The following ARHGAP25 variants were observed in gnomAD, a reference collection of about 807,000 sequenced individuals.
ARHGAP25 encodes the protein rho GTPase-activating protein 25.
ARHGAP25 carries 34 observed loss-of-function variants against 71.0 expected under a neutral mutation model. That is an observed-to-expected ratio of 0.48 (90% confidence interval 0.36 to 0.64). ARHGAP25 has a LOEUF of 0.64. ARHGAP25 is among the 30% of genes least tolerant of loss of function. The pLI is 0.00. For missense variants in ARHGAP25, 706 were observed against 805.1 expected, an observed-to-expected ratio of 0.88 and a Z score of 1.49; for synonymous variants, 282 against 296.5, an observed-to-expected ratio of 0.95 and a Z score of 0.50.
intron 5 of ARHGAP25, 68 bp downstream of exon 5, chr2:68,807,548 T>C: frequency 6.8e-7 from 1 of 1,477,076 alleles, no homozygotes; most frequent in Middle Eastern, 2.2e-4. Flanking sequence ...GGAGGGCCTC[T>C]CCATTCCAGT....
At chr2:68,712,548 A>T (rs1674511138) in intron 2 of ARHGAP25, among the ~76,000 whole-genome samples, 1 of 152,106 alleles carries the variant, frequency 6.6e-6, no homozygotes, top group Admixed American at 6.5e-5. Flanking sequence ...TTTTGTTGCC[A>T]TTGCTTTTGG....
intron 4 of ARHGAP25, among the ~76,000 whole-genome samples, chr2:68,792,903 G>A (rs1476125306): frequency 1.3e-5 from 2 of 152,104 alleles, no homozygotes; most frequent in Non-Finnish European, 2.9e-5. Flanking sequence ...CAGTGTATGT[G>A]TTTTCTTTTC....
rs961859438 is a variant in ARHGAP25 at position 68,767,545 on chromosome 2, C to T, written c.62-7676C>T. Reference sequence around the variant, plus strand: ...CTGTTTCAGAGAGCTCCCCAGTCGGCTCCTTCCTCAGCTGTGGTGTGGGCC... The same window carrying T: ...CTGTTTCAGAGAGCTCCCCAGTCGGTTCCTTCCTCAGCTGTGGTGTGGGCC... On this transcript the variant is annotated intron_variant, in intron 1 of 10. Coordinates refer to ENST00000409202, the MANE Select transcript of ARHGAP25 (RefSeq NM_001007231.3). This position sits in a 1 kb window ranked among gnomAD's most constrained non-coding sequence, Gnocchi z 4.6. Among the ~76,000 whole-genome samples, 9 of 152,154 alleles carry T rather than the reference C, an allele frequency of 5.9e-5. No individual in the cohort carries two copies. Among genetic ancestry groups the T allele is most frequent in the African/African-American group, 2.2e-4 (9 of 41,424 alleles).
At chr2:68,737,026 G>T (rs1005236780) in intron 1 of ARHGAP25, among the ~76,000 whole-genome samples, 27 of 152,138 alleles carry the variant, frequency 1.8e-4, no homozygotes, top group African/African-American at 5.8e-4. Flanking sequence ...AAAACAAGCA[G>T]ATGATGTTAT....
At chr2:68,725,297 C>T (rs2104261790) in intron 2 of ARHGAP25, among the ~76,000 whole-genome samples, 1 of 152,196 alleles carries the variant, frequency 6.6e-6, no homozygotes, top group South Asian at 2.1e-4. Flanking sequence ...AATGCGAGGC[C>T]ACAGCGATCT....
chr2:68,786,188 C>G (rs1678749882), intron 3 of ARHGAP25, among the ~76,000 whole-genome samples: 1 of 152,082 alleles, frequency 6.6e-6, no homozygotes, highest in Non-Finnish European at 1.5e-5. Context: ...TGCGTGTTTC[C>G]CAGTGGGGTT....
chr2:68,753,691 G>A (rs1031824404), intron 1 of ARHGAP25, among the ~76,000 whole-genome samples: 12 of 152,198 alleles, frequency 7.9e-5, no homozygotes, highest in African/African-American at 2.9e-4. Context: ...TCTTTCCCAC[G>A]TTCTCATGTT....
chr2:68,815,232 A>G (rs1681111638), intron 6 of ARHGAP25, among the ~76,000 whole-genome samples: 1 of 152,178 alleles, frequency 6.6e-6, no homozygotes, highest in African/African-American at 2.4e-5. Context: ...GGTGGCAGCT[A>G]GGAGGGGTGA....
At position 68,782,311 on chromosome 2, in the gene ARHGAP25, A is replaced by G. The variant is rs745604384; in HGVS notation, c.340A>G (p.Ile114Val). ...AGAAGCTGGGAAGTTTGTCTTTGAAATCATTCCAGGTAGGCCACCACAGGT... is the reference window on the plus strand; with the variant it reads ...AGAAGCTGGGAAGTTTGTCTTTGAAGTCATTCCAGGTAGGCCACCACAGGT... The part of the protein sequence containing the change: ...PEEAGKFVFE[I>V]IPASWDQNRM... The change falls in exon 3 of 11, where the codon ATC becomes GTC. Residue 114 changes from isoleucine (I) to valine (V), a missense_variant. Coordinates refer to ENST00000409202, the MANE Select transcript of ARHGAP25 (RefSeq NM_001007231.3). 28 of 1,614,010 alleles carry G rather than the reference A, an allele frequency of 1.7e-5. No homozygotes were observed. The highest frequency in any genetic ancestry group is 2.0e-5 in the Non-Finnish European group (24 of 1,179,992).
At chr2:68,757,494 G>T (rs1217155244) in intron 1 of ARHGAP25, 1 of 152,060 alleles carries the variant, frequency 6.6e-6, no homozygotes, top group Non-Finnish European at 1.5e-5. Context: ...CAGAAGTAGT[G>T]GTCTGATATA....
intron 4 of ARHGAP25, among the ~76,000 whole-genome samples, chr2:68,797,814 GCTCTCCTA>G (rs1679674523): frequency 6.6e-6 from 1 of 152,236 alleles, no homozygotes. Flanking sequence ...GAGTCAAGGT[GCTCTCCTA>G]CGGCCTGGAT....
intron 9 of ARHGAP25, among the ~76,000 whole-genome samples, chr2:68,820,940 T>G (rs1448904452): frequency 6.6e-6 from 1 of 152,154 alleles, no homozygotes; most frequent in Non-Finnish European, 1.5e-5. Context: ...ATTTTTGTAC[T>G]TAGCAGTATA....
At position 68,794,557 on chromosome 2, in the gene ARHGAP25, T is replaced by C. The variant is rs554196534; in HGVS notation, c.466+6601T>C. Reference sequence around the variant, plus strand: ...GGCTTTTGCCTTAATTCTGTTTGTGTGATGTATCACATTTATTGATTTGTG... The same window carrying C: ...GGCTTTTGCCTTAATTCTGTTTGTGCGATGTATCACATTTATTGATTTGTG... On this transcript the variant is annotated intron_variant, in intron 4 of 10. Transcript: ENST00000409202. Among the ~76,000 whole-genome samples the C allele has an allele frequency of 4.6e-5, 7 of 152,334 alleles. No homozygotes were observed. The East Asian group carries it at 1.3e-3, about 29-fold the overall frequency.
Position 68,817,867 on chromosome 2 carries a change from C to T in ARHGAP25, c.882-6C>T. ...TTCTACCATGGGATTTCTTGGCTGT[C>T]TGTAGGTTCCTACATGAAATACAGC... is the stretch of plus-strand genomic sequence containing the variant. On this transcript the variant is annotated splice_region_variant and splice_polypyrimidine_tract_variant and intron_variant, in intron 7 of 10. Transcript: ENST00000409202. 1 of 1,613,750 alleles carries T rather than the reference C, an allele frequency of 6.2e-7. No individual in the cohort carries two copies. The highest frequency in any genetic ancestry group is 8.5e-7 in the Non-Finnish European group (1 of 1,179,768).
At chr2:68,714,849 C>A (rs1674573271) in intron 2 of ARHGAP25, among the ~76,000 whole-genome samples, 1 of 152,064 alleles carries the variant, frequency 6.6e-6, no homozygotes, top group East Asian at 1.9e-4. Context: ...AAAAAATGTG[C>A]ACTAAAAAGT....
intron 1 of ARHGAP25, among the ~76,000 whole-genome samples, chr2:68,755,733 T>C (rs1676443593): frequency 6.6e-6 from 1 of 152,200 alleles, no homozygotes; most frequent in African/African-American, 2.4e-5. Flanking sequence ...GTTGATACAA[T>C]AAGAAAATGC....
intron 2 of ARHGAP25, among the ~76,000 whole-genome samples, chr2:68,723,358 C>G (rs1106238): frequency 6.6e-6 from 1 of 152,174 alleles, no homozygotes; most frequent in Non-Finnish European, 1.5e-5. Flanking sequence ...CATGCCACAT[C>G]CTGGTGGGAT....
At chr2:68,731,770 C>G (rs1212232704), upstream of ARHGAP25, among the ~76,000 whole-genome samples, 1 of 152,104 alleles carries the variant, frequency 6.6e-6, no homozygotes, top group Non-Finnish European at 1.5e-5. Context: ...CTTCCAGGAA[C>G]CCTTCCTTCA....
At chr2:68,819,633 G>A (rs1241798238) in intron 9 of ARHGAP25, 1 of 577,084 alleles carries the variant, frequency 1.7e-6, no homozygotes, top group East Asian at 2.8e-5. Context: ...TGGGAAAAAT[G>A]TATACAACAT....
Sources: allele counts gnomAD v4.1 joint callset (sites outside exome capture counted in the v4.1 genomes callset), GRCh38; gene constraint gnomAD v4.1.1; non-coding constraint Gnocchi (gnomAD v3.1); transcripts MANE v1.5; gene names NCBI Gene and HGNC (gene_info 2026-07-23, HGNC 2026-07-21).